NIPAL2: variants seen among roughly 807,000 people sequenced by gnomAD.
NIPAL2 encodes NIPA like domain containing 2.
In NIPAL2, 43 loss-of-function variants were observed where a neutral mutation model predicts 48.9. The ratio of observed to expected loss-of-function variants is 0.88; its 90% CI spans 0.69 to 1.13. The LOEUF is 1.13. NIPAL2 is among the 50% of genes most tolerant of loss of function. The pLI is 0.00. For missense variants in NIPAL2, 446 were observed against 461.4 expected, an observed-to-expected ratio of 0.97 and a Z score of 0.31; for synonymous variants, 167 against 174.6, an observed-to-expected ratio of 0.96 and a Z score of 0.34.
intron 5 of NIPAL2, among the ~76,000 whole-genome samples, chr8:98,216,171 T>C (rs1186412469): frequency 6.6e-6 from 1 of 152,274 alleles, no homozygotes; most frequent in African/African-American, 2.4e-5. Flanking sequence ...GTAGTCAGTT[T>C]ATTAATTCTG....
chr8:98,205,678 G>T (rs1214029581), intron 6 of NIPAL2, among the ~76,000 whole-genome samples: 1 of 152,166 alleles, frequency 6.6e-6, no homozygotes, highest in Non-Finnish European at 1.5e-5. Context: ...CCAAGTAGAT[G>T]AGAAGACTGG....
At chr8:98,238,817 G>A (rs752497994) in intron 3 of NIPAL2, among the ~76,000 whole-genome samples, 2 of 152,022 alleles carry the variant, frequency 1.3e-5, no homozygotes, top group Non-Finnish European at 2.9e-5. Flanking sequence ...ATGACTACAT[G>A]GCTCATTAAA....
intron 1 of NIPAL2, among the ~76,000 whole-genome samples, chr8:98,262,972 T>A (rs1452055448): frequency 5.4e-5 from 8 of 148,512 alleles, no homozygotes; most frequent in Non-Finnish European, 1.1e-4. Flanking sequence ...GGATTAAGAA[T>A]CTCACTCAAA....
At chr8:98,270,341 C>A (rs1355185505) in intron 1 of NIPAL2, among the ~76,000 whole-genome samples, 1 of 152,126 alleles carries the variant, frequency 6.6e-6, no homozygotes, top group Non-Finnish European at 1.5e-5. Flanking sequence ...GCCTCACCAG[C>A]ATCTGTTGTT....
At chr8:98,293,388 G>C (rs1816593789) in intron 1 of NIPAL2, among the ~76,000 whole-genome samples, 1 of 152,192 alleles carries the variant, frequency 6.6e-6, no homozygotes, top group Non-Finnish European at 1.5e-5. Context: ...TATATTTCCA[G>C]TGTAAACTGG....
intron 6 of NIPAL2, among the ~76,000 whole-genome samples, chr8:98,206,792 A>G (rs1229226079): frequency 4.8e-5 from 7 of 146,714 alleles, no homozygotes; most frequent in East Asian, 2.0e-4. Flanking sequence ...AAAAAAAAAA[A>G]GGAAAAAAAA....
intron 9 of NIPAL2, among the ~76,000 whole-genome samples, chr8:98,195,443 G>A (rs1810496861): frequency 6.6e-6 from 1 of 152,168 alleles, no homozygotes; most frequent in African/African-American, 2.4e-5. Context: ...TGCAAGCAAT[G>A]CTAGCAATGA....
chr8:98,254,739 C>A (rs963693240), intron 1 of NIPAL2, among the ~76,000 whole-genome samples: 36 of 152,202 alleles, frequency 2.4e-4, no homozygotes, highest in Non-Finnish European at 2.9e-5. Flanking sequence ...TAGTCCTCAC[C>A]CAGGCCTCTG....
At chr8:98,228,188 G>C (rs1812271443) in intron 4 of NIPAL2, among the ~76,000 whole-genome samples, 1 of 152,168 alleles carries the variant, frequency 6.6e-6, no homozygotes, top group Non-Finnish European at 1.5e-5. Flanking sequence ...TTAACACCAG[G>C]TACTGTGATT....
intron 4 of NIPAL2, among the ~76,000 whole-genome samples, chr8:98,233,306 A>T (rs1351788092): frequency 6.6e-6 from 1 of 151,426 alleles, no homozygotes; most frequent in African/African-American, 2.4e-5. Flanking sequence ...CAAATAATTA[A>T]TTAAAGGTTT....
At chr8:98,293,930 C>T in intron 1 of NIPAL2, 73 bp downstream of exon 1, 1 of 1,304,928 alleles carries the variant, frequency 7.7e-7, no homozygotes, top group Non-Finnish European at 9.9e-7. Context: ...GCGGCCGAGG[C>T]GCAGAGGCGC....
At chr8:98,283,574 T>A (rs1815979458) in intron 1 of NIPAL2, among the ~76,000 whole-genome samples, 1 of 152,174 alleles carries the variant, frequency 6.6e-6, no homozygotes, top group South Asian at 2.1e-4. Context: ...ATAATAGTTT[T>A]AACAACCCAT....
At chr8:98,279,942 A>G (rs1302470174) in intron 1 of NIPAL2, among the ~76,000 whole-genome samples, 1 of 152,206 alleles carries the variant, frequency 6.6e-6, no homozygotes, top group Non-Finnish European at 1.5e-5. Flanking sequence ...ACAGCATACA[A>G]TTTATATAGA....
intron 1 of NIPAL2, among the ~76,000 whole-genome samples, chr8:98,292,355 C>G (rs1816530398): frequency 6.6e-6 from 1 of 152,154 alleles, no homozygotes; most frequent in South Asian, 2.1e-4. Flanking sequence ...TTGCTTAACA[C>G]AAATGCAATT....
At chr8:98,218,195 G>A (rs1183701566) in intron 5 of NIPAL2, among the ~76,000 whole-genome samples, 3 of 152,072 alleles carry the variant, frequency 2.0e-5, no homozygotes, top group African/African-American at 4.8e-5. Flanking sequence ...TAATTTTCTC[G>A]TTTCAGGCTA....
At chr8:98,290,650 C>T (rs1445643557) in intron 1 of NIPAL2, among the ~76,000 whole-genome samples, 2 of 152,206 alleles carry the variant, frequency 1.3e-5, no homozygotes, top group African/African-American at 4.8e-5. Flanking sequence ...GTGACAGACT[C>T]TAGCACTGGT....
At chr8:98,290,654 C>A (rs1384443146) in intron 1 of NIPAL2, among the ~76,000 whole-genome samples, 1 of 152,208 alleles carries the variant, frequency 6.6e-6, no homozygotes, top group Non-Finnish European at 1.5e-5. Context: ...CAGACTCTAG[C>A]ACTGGTTGCA....
chr8:98,237,342 G>A (rs1055738844), intron 3 of NIPAL2, among the ~76,000 whole-genome samples: 10 of 151,874 alleles, frequency 6.6e-5, no homozygotes, highest in South Asian at 2.1e-4. Context: ...GTAATCCACC[G>A]CAACCAGCCT....
chr8:98,216,926 G>T, intron 5 of NIPAL2: 1 of 509,868 alleles, frequency 2.0e-6, no homozygotes, highest in Non-Finnish European at 2.5e-6. Flanking sequence ...GCCTGGGCAT[G>T]TAGGATTAAC....
Sources: allele counts gnomAD v4.1 joint callset (sites outside exome capture counted in the v4.1 genomes callset), GRCh38; gene constraint gnomAD v4.1.1; transcripts MANE v1.5; gene names NCBI Gene and HGNC (gene_info 2026-07-23, HGNC 2026-07-21).